PCDH9: variants seen among roughly 807,000 people sequenced by gnomAD.
PCDH9 encodes protocadherin 9.
In PCDH9, 24 loss-of-function variants were observed where a neutral mutation model predicts 70.6. The ratio of observed to expected loss-of-function variants is 0.34; its 90% CI spans 0.25 to 0.48. The LOEUF (loss-of-function observed/expected upper bound fraction) is 0.48, where lower values mean the gene tolerates loss of function less well. Among genes scored for constraint, PCDH9 ranks in the 20% least tolerant of loss-of-function variants. PCDH9 has a pLI of 0.99. For missense variants in PCDH9, 1,281 were observed against 1,503.6 expected (o/e 0.85, Z 2.45); for synonymous variants, 562 against 558.5 (o/e 1.01, Z -0.09).
intron 3 of PCDH9, among the ~76,000 whole-genome samples, chr13:66,787,823 G>T (rs1159745908): frequency 2.0e-5 from 3 of 152,048 alleles, no homozygotes; most frequent in Non-Finnish European, 2.9e-5. Flanking sequence ...TGGAATATAG[G>T]CCTTCTATTT....
chr13:67,087,943 T>A (rs886966811), intron 2 of PCDH9, among the ~76,000 whole-genome samples: 1 of 151,976 alleles, frequency 6.6e-6, no homozygotes, highest in Admixed American at 6.6e-5. Flanking sequence ...ATTGTAACAG[T>A]TCTGAAGGAG....
chr13:66,387,660 G>C (rs982490271), intron 4 of PCDH9, among the ~76,000 whole-genome samples: 23 of 151,686 alleles, frequency 1.5e-4, no homozygotes, highest in African/African-American at 5.1e-4. Context: ...GAGGCTCTAT[G>C]AGGCCCTCAC....
intron 4 of PCDH9, among the ~76,000 whole-genome samples, chr13:66,474,577 T>A (rs897525850): frequency 6.6e-6 from 1 of 152,186 alleles, no homozygotes; most frequent in Non-Finnish European, 1.5e-5. Context: ...ATATGAAATA[T>A]ATCATAATAC....
chr13:66,341,809 G>A lies in PCDH9; in HGVS notation c.3341-36781C>T, dbSNP rs575665617. On this transcript the variant is annotated intron_variant, in intron 4 of 4. Transcript: ENST00000377865. ...TCTCCAGAACGAGGCCATGGTCAGG[G>A]CAGAACAGAGGCAGACTGGAGGAGA... 5.4e-4 allele frequency among the ~76,000 whole-genome samples: 82 copies of A among 152,260 alleles called. 3 individuals carry two copies. The South Asian group carries it at 0.016, about 29-fold the overall frequency.
At chr13:66,622,104 A>C (rs9317597) in intron 4 of PCDH9, among the ~76,000 whole-genome samples, 1 of 152,192 alleles carries the variant, frequency 6.6e-6, no homozygotes, top group African/African-American at 2.4e-5. Flanking sequence ...CAGCGGCTGC[A>C]GAGTGTGTAC....
chr13:66,621,246 A>AC, intron 4 of PCDH9, among the ~76,000 whole-genome samples: 1 of 152,302 alleles, frequency 6.6e-6, no homozygotes, highest in Middle Eastern at 3.4e-3. Context: ...ATGTTACATT[A>AC]CATAAGACTC....
rs958279805 is a variant in PCDH9 at position 66,924,917 on chromosome 13, C to T, written c.3037-21312G>A. On this transcript the variant is annotated intron_variant, in intron 2 of 4. Transcript: ENST00000377865. ...GAACACTGGAAGGCAGAATATAAGC[C>T]CTTAATACTTTTCAATACCGACAAA... Among the ~76,000 whole-genome samples the T allele has an allele frequency of 2.6e-5, 4 of 151,374 alleles. No individual in the cohort carries two copies. In the Admixed American group the frequency reaches 2.6e-4, roughly 10 times the overall value.
At chr13:66,540,444 T>A (rs898974848) in intron 4 of PCDH9, among the ~76,000 whole-genome samples, 13 of 152,180 alleles carry the variant, frequency 8.5e-5, no homozygotes, top group Admixed American at 3.9e-4. Context: ...TTCTGCTGCA[T>A]GAACACCATA....
intron 2 of PCDH9, among the ~76,000 whole-genome samples, chr13:67,103,551 C>A (rs1486145576): frequency 6.6e-6 from 1 of 152,088 alleles, no homozygotes; most frequent in African/African-American, 2.4e-5. Context: ...ACAATGTTAG[C>A]AATTAATATT....
rs79629038 is a variant in PCDH9, at chr13:66,627,580, C to T, written c.3340+3630G>A. Reference sequence around the variant, plus strand: ...CAAGAGAACTGCTGGCCTCTAGGGGCTCCCAGGGCCTCTCGCTTCTCCACT... The same window carrying T: ...CAAGAGAACTGCTGGCCTCTAGGGGTTCCCAGGGCCTCTCGCTTCTCCACT... On this transcript the variant is annotated intron_variant, in intron 4 of 4. Transcript: ENST00000377865. Among the ~76,000 whole-genome samples, 534 of 152,272 alleles carry T rather than the reference C, an allele frequency of 3.5e-3. 1 individual carries two copies. The highest frequency in any genetic ancestry group is 0.012 in the African/African-American group (512 of 41,554).
chr13:66,791,348 T>C (rs1202339050), intron 3 of PCDH9, among the ~76,000 whole-genome samples: 1 of 152,212 alleles, frequency 6.6e-6, no homozygotes, highest in East Asian at 1.9e-4. Flanking sequence ...ATTGAGTACA[T>C]GTTAAAAAAG....
At chr13:66,392,943 A>C (rs1041830528) in intron 4 of PCDH9, among the ~76,000 whole-genome samples, 26 of 151,802 alleles carry the variant, frequency 1.7e-4, no homozygotes, top group African/African-American at 5.8e-4. Context: ...AAGAGGAATA[A>C]TTAATTTACT....
chr13:66,367,491 G>A (rs905041570), intron 4 of PCDH9, among the ~76,000 whole-genome samples: 1 of 152,098 alleles, frequency 6.6e-6, no homozygotes, highest in Non-Finnish European at 1.5e-5. Context: ...AAAACCAAGA[G>A]CTATGCTCCA....
At chr13:66,417,547 T>A (rs1438751231) in intron 4 of PCDH9, among the ~76,000 whole-genome samples, 1 of 152,114 alleles carries the variant, frequency 6.6e-6, no homozygotes, top group East Asian at 1.9e-4. Context: ...TACCCAGAAA[T>A]GGTATTTCTG....
chr13:67,044,517 C>T (rs563436460), intron 2 of PCDH9, among the ~76,000 whole-genome samples: 1 of 152,240 alleles, frequency 6.6e-6, no homozygotes, highest in African/African-American at 2.4e-5. Flanking sequence ...AGTGCAATAT[C>T]TCACTTATTT....
chr13:67,095,820 G>T (rs1361080851), intron 2 of PCDH9, among the ~76,000 whole-genome samples: 1 of 152,142 alleles, frequency 6.6e-6, no homozygotes, highest in African/African-American at 2.4e-5. Flanking sequence ...ACTGTTGGCT[G>T]TGTTACGTAA....
intron 3 of PCDH9, among the ~76,000 whole-genome samples, chr13:66,729,668 T>C (rs908926295): frequency 1.3e-5 from 2 of 152,196 alleles, no homozygotes; most frequent in African/African-American, 4.8e-5. Flanking sequence ...GCAGCTTACA[T>C]TGCTATTGTT....
rs562340529 is a variant in PCDH9 at position 66,555,160 on chromosome 13, A to ACT, written c.3340+76048_3340+76049dup. 3.0e-3 allele frequency among the ~76,000 whole-genome samples: 453 copies of ACT among 152,076 alleles called. 2 individuals carry two copies. Among genetic ancestry groups the ACT allele is most frequent in the African/African-American group, 0.011 (437 of 41,474 alleles). Reference sequence around the variant, plus strand: ...CTCCAGCCTGGGCAACAAGAGTGAAACTCTGTCTCAAAAATAAATAAATAA... The same window carrying ACT: ...CTCCAGCCTGGGCAACAAGAGTGAAACTCTCTGTCTCAAAAATAAATAAATAA... On this transcript the variant is annotated intron_variant, in intron 4 of 4. Transcript: ENST00000377865.
At chr13:66,401,465 G>A (rs1957186033) in intron 4 of PCDH9, among the ~76,000 whole-genome samples, 1 of 151,880 alleles carries the variant, frequency 6.6e-6, no homozygotes, top group African/African-American at 2.4e-5. Context: ...CCCTAGCCAG[G>A]GCGGAACTGT....
Sources: allele counts gnomAD v4.1 joint callset (sites outside exome capture counted in the v4.1 genomes callset), GRCh38; gene constraint gnomAD v4.1.1; transcripts MANE v1.5; gene names NCBI Gene and HGNC (gene_info 2026-07-23, HGNC 2026-07-21).